TMEM117: variants seen among roughly 807,000 people sequenced by gnomAD.
The protein encoded by TMEM117 is transmembrane protein 117.
A neutral mutation model predicts 52.4 loss-of-function variants in TMEM117; 27 were observed. The ratio of observed to expected loss-of-function variants is 0.51; its 90% CI spans 0.38 to 0.71. TMEM117 has a LOEUF of 0.71. TMEM117 is among the 30% of genes least tolerant of loss of function. The pLI is 0.00. For synonymous variants in TMEM117, 215 were observed against 206.3 expected (o/e 1.04, Z -0.36); for missense variants, 556 against 630.5 (o/e 0.88, Z 1.26).
chr12:44,134,346 A>T (rs777132883), intron 3 of TMEM117, among the ~76,000 whole-genome samples: 12 of 152,102 alleles, frequency 7.9e-5, no homozygotes, highest in African/African-American at 9.7e-5. Context: ...GTCTCTAAGT[A>T]GCTTGATCTA....
chr12:44,084,618 C>T (rs1947536614), intron 3 of TMEM117, among the ~76,000 whole-genome samples: 1 of 152,122 alleles, frequency 6.6e-6, no homozygotes, highest in African/African-American at 2.4e-5. Flanking sequence ...GATAATTATT[C>T]ACTTCACCTT....
chr12:43,847,948 T>C (rs1943238436), intron 2 of TMEM117, among the ~76,000 whole-genome samples: 2 of 152,186 alleles, frequency 1.3e-5, no homozygotes, highest in South Asian at 2.1e-4. Flanking sequence ...TGACATCACA[T>C]ATCAGTAGGA....
intron 3 of TMEM117, among the ~76,000 whole-genome samples, chr12:44,121,736 A>G (rs1364478960): frequency 6.6e-6 from 1 of 152,122 alleles, no homozygotes; most frequent in East Asian, 1.9e-4. Context: ...CAGGGGATAC[A>G]TGTGCAGGTT....
At chr12:44,291,748 A>G (rs1950708491) in intron 5 of TMEM117, among the ~76,000 whole-genome samples, 1 of 152,050 alleles carries the variant, frequency 6.6e-6, no homozygotes, top group African/African-American at 2.4e-5. Flanking sequence ...ATTTGAGATG[A>G]TCATATGATT....
intron 6 of TMEM117, among the ~76,000 whole-genome samples, chr12:44,303,940 A>G (rs1017638775): frequency 3.3e-5 from 5 of 152,244 alleles, no homozygotes; most frequent in Non-Finnish European, 7.3e-5. Flanking sequence ...AGTGGGACAA[A>G]TGGAGCAAAA....
At chr12:43,799,504 T>G in the TMEM117 span, 1 of 1,563,230 alleles carries the variant, frequency 6.4e-7, no homozygotes, top group African/African-American at 1.4e-5. Context: ...TACATCTTCC[T>G]GTAAGTACAG....
chr12:44,004,312 G>A (rs1454394863), intron 3 of TMEM117, among the ~76,000 whole-genome samples: 1 of 152,142 alleles, frequency 6.6e-6, no homozygotes, highest in African/African-American at 2.4e-5. Flanking sequence ...CTCATGAGGA[G>A]CAATAACTGC....
rs191759096 is a variant in TMEM117, at chr12:43,953,688, A to C, written c.410+9346A>C. Reference sequence around the variant, plus strand: ...GACCTACAAAGAGACTTAGACCCCCACACACAATAATAGTAGAAGACTTTA... The same window carrying C: ...GACCTACAAAGAGACTTAGACCCCCCCACACAATAATAGTAGAAGACTTTA... On this transcript the variant is annotated intron_variant, in intron 3 of 7. Coordinates refer to ENST00000266534, the MANE Select transcript of TMEM117 (RefSeq NM_032256.3). 1.1e-4 allele frequency among the ~76,000 whole-genome samples: 16 copies of C among 152,258 alleles called. No individual in the cohort carries two copies. The South Asian group carries it at 1.9e-3, about 18-fold the overall frequency.
chr12:44,131,271 C>T (rs772303152), intron 3 of TMEM117, among the ~76,000 whole-genome samples: 5 of 152,132 alleles, frequency 3.3e-5, no homozygotes, highest in Non-Finnish European at 7.4e-5. Context: ...GGAAGTGTCT[C>T]TCTTAGTTTC....
chr12:44,265,376 G>A (rs1950365613), intron 5 of TMEM117, among the ~76,000 whole-genome samples: 1 of 152,126 alleles, frequency 6.6e-6, no homozygotes, highest in African/African-American at 2.4e-5. Flanking sequence ...ACTGGAAGAA[G>A]TGAGTGATAG....
chr12:43,832,335 G>T (rs954026063), upstream of TMEM117, among the ~76,000 whole-genome samples: 1 of 152,192 alleles, frequency 6.6e-6, no homozygotes, highest in African/African-American at 2.4e-5. Context: ...GACACTACAG[G>T]TGTTTTATAG....
At chr12:44,185,869 T>TACACACACACACACAC (rs3065433) in intron 4 of TMEM117, among the ~76,000 whole-genome samples, 1 of 135,024 alleles carries the variant, frequency 7.4e-6, no homozygotes, top group African/African-American at 2.6e-5. Flanking sequence ...CTAAAAGACA[T>TACACACACACACACAC]ACACACACAC....
At chr12:44,349,022 C>T (rs1453543244) in intron 6 of TMEM117, among the ~76,000 whole-genome samples, 3 of 151,968 alleles carry the variant, frequency 2.0e-5, no homozygotes, top group African/African-American at 4.8e-5. Context: ...GGTTGAAAGC[C>T]TTTCCCAACC....
At chr12:43,970,438 G>A (rs1201177495) in intron 3 of TMEM117, among the ~76,000 whole-genome samples, 7 of 151,924 alleles carry the variant, frequency 4.6e-5, no homozygotes, top group Non-Finnish European at 4.4e-5. Context: ...ACAGGCATCT[G>A]CCACCACACC....
chr12:43,890,226 T>A (rs898337101), intron 2 of TMEM117, among the ~76,000 whole-genome samples: 1 of 152,234 alleles, frequency 6.6e-6, no homozygotes, highest in African/African-American at 2.4e-5. Flanking sequence ...GAAGCAGTTA[T>A]AAAATAAATA....
chr12:44,093,381 G>T (rs1216683428), intron 3 of TMEM117, among the ~76,000 whole-genome samples: 1 of 151,922 alleles, frequency 6.6e-6, no homozygotes, highest in Non-Finnish European at 1.5e-5. Context: ...GATTTTTTAA[G>T]TTTCTGAAAT....
At chr12:44,386,804 A>G (rs1279332267) in intron 7 of TMEM117, among the ~76,000 whole-genome samples, 2 of 152,134 alleles carry the variant, frequency 1.3e-5, no homozygotes, top group South Asian at 4.1e-4. Context: ...TTAGCCTTAC[A>G]TATAATAGGA....
chr12:43,818,431 G>A, the TMEM117 span, among the ~76,000 whole-genome samples: 1 of 138,076 alleles, frequency 7.2e-6, no homozygotes, highest in Non-Finnish European at 1.6e-5. Context: ...TTTTTTTTTT[G>A]TGTTTTTTTT....
At chr12:44,060,124 A>T (rs1947116316) in intron 3 of TMEM117, among the ~76,000 whole-genome samples, 1 of 152,190 alleles carries the variant, frequency 6.6e-6, no homozygotes, top group East Asian at 1.9e-4. Context: ...ACCTCTCAGG[A>T]CTATTGGGAA....
Sources: gnomAD v4.1 joint callset for allele counts (sites outside exome capture counted in the v4.1 genomes callset) on GRCh38, gnomAD v4.1.1 for gene constraint, MANE v1.5 for transcripts, NCBI Gene and HGNC (gene_info 2026-07-23, HGNC 2026-07-21) for gene names.